Variants in MYO1B observed in about 807,000 individuals in gnomAD.
MYO1B encodes the protein myosin IB.
A neutral mutation model predicts 159.7 loss-of-function variants in MYO1B; 72 were observed. The ratio of observed to expected loss-of-function variants is 0.45; its 90% CI spans 0.37 to 0.55. The LOEUF (loss-of-function observed/expected upper bound fraction) is 0.55. Ranked by LOEUF, MYO1B falls within the 20% of genes least tolerant of loss-of-function variation. The pLI is 0.00. For missense variants in MYO1B, 1,062 were observed against 1,364.8 expected (o/e 0.78, Z 3.50); for synonymous variants, 468 against 473.8 (o/e 0.99, Z 0.16).
intron 3 of MYO1B, among the ~76,000 whole-genome samples, chr2:191,304,387 A>G (rs1392800330): frequency 7.2e-5 from 11 of 152,204 alleles, no homozygotes; most frequent in Non-Finnish European, 1.6e-4. Flanking sequence ...CCTGACCAAC[A>G]TGGAGAAACC....
intron 5 of MYO1B, among the ~76,000 whole-genome samples, chr2:191,345,961 T>C (rs1485086020): frequency 6.6e-6 from 1 of 152,204 alleles, no homozygotes; most frequent in Non-Finnish European, 1.5e-5. Flanking sequence ...TAAAAGGTGT[T>C]GAATTAGGTA....
At chr2:191,378,669 GTCT>G (rs1248111681) in intron 13 of MYO1B, among the ~76,000 whole-genome samples, 3 of 152,156 alleles carry the variant, frequency 2.0e-5, no homozygotes, top group Admixed American at 6.5e-5. Context: ...TGACATTCCT[GTCT>G]TCTTATATTG....
chr2:191,261,957 TA>T (rs921297060), intron 1 of MYO1B, among the ~76,000 whole-genome samples: 47 of 151,354 alleles, frequency 3.1e-4, no homozygotes, highest in African/African-American at 1.0e-3. Flanking sequence ...TTAACTGACT[TA>T]AAAAAAAATA....
At chr2:191,419,367 C>T (rs992664500) in intron 30 of MYO1B, among the ~76,000 whole-genome samples, 2 of 152,054 alleles carry the variant, frequency 1.3e-5, no homozygotes, top group Non-Finnish European at 2.9e-5. Context: ...TACAGCTGCC[C>T]GCCACCACGC....
At chr2:191,417,208 A>G (rs189422992) in intron 30 of MYO1B, among the ~76,000 whole-genome samples, 273 of 152,292 alleles carry the variant, frequency 1.8e-3, no homozygotes, top group African/African-American at 6.1e-3. Context: ...TCTCTTTGAT[A>G]TGTTAGGATT....
At position 191,369,518 on chromosome 2, in the gene MYO1B, T is replaced by TTTTG. The variant is rs761963315; in HGVS notation, c.1033-12_1033-9dup. ...GCATTGTGGAATTGTGGGTGTTAAG[T>TTTTG]TTTGTTTGTTTGTTTTTTAATAGGC... On this transcript the variant is annotated intron_variant, in intron 11 of 30. Coordinates refer to ENST00000392318, the MANE Select transcript of MYO1B (RefSeq NM_001130158.3). 7 of 1,569,622 alleles carry TTTTG rather than the reference T, an allele frequency of 4.5e-6. No homozygotes were observed. The African/African-American group carries it at 8.1e-5, about 18-fold the overall frequency.
intron 2 of MYO1B, among the ~76,000 whole-genome samples, chr2:191,286,348 A>G (rs1020427562): frequency 6.6e-6 from 1 of 152,106 alleles, no homozygotes; most frequent in African/African-American, 2.4e-5. Context: ...CTTTAAAAAA[A>G]AAAAAAAGAC....
chr2:191,348,848 A>G (rs1373413608), intron 6 of MYO1B, among the ~76,000 whole-genome samples: 3 of 152,186 alleles, frequency 2.0e-5, no homozygotes, highest in Non-Finnish European at 4.4e-5. Context: ...CTTTAAGGAC[A>G]TGGCTTTGGT....
intron 17 of MYO1B, among the ~76,000 whole-genome samples, chr2:191,389,857 C>T (rs1393788708): frequency 6.6e-6 from 1 of 152,174 alleles, no homozygotes; most frequent in African/African-American, 2.4e-5. Context: ...AGTGGTAAAA[C>T]ATTCCCGTCA....
Position 191,411,049 on chromosome 2 carries a change from C to G in MYO1B, c.2767-17C>G. The G allele has an allele frequency of 2.1e-6, 3 of 1,407,260 alleles. No individual in the cohort carries two copies. The highest frequency in any genetic ancestry group is 2.3e-5 in the East Asian group (1 of 43,424). 87.2% of individuals were successfully genotyped at this position (1,407,260 alleles called of 1,614,324 possible). On this transcript the variant is annotated splice_polypyrimidine_tract_variant and intron_variant, in intron 26 of 30. Transcript: ENST00000392318. ...TATATAAATGATGTTTTGTTTCTTTCTTCTCATATCTCACAGTGTAAAAAA... is the reference window on the plus strand; with the variant it reads ...TATATAAATGATGTTTTGTTTCTTTGTTCTCATATCTCACAGTGTAAAAAA...
At chr2:191,310,809 C>G (rs1689957451) in intron 3 of MYO1B, among the ~76,000 whole-genome samples, 1 of 152,096 alleles carries the variant, frequency 6.6e-6, no homozygotes. Context: ...CAGTCATGAA[C>G]TGGAAAAAAT....
intron 23 of MYO1B, 82 bp from the exon 24 acceptor site, chr2:191,402,550 T>G: frequency 2.5e-6 from 3 of 1,185,746 alleles, no homozygotes; most frequent in Non-Finnish European, 3.7e-6. Flanking sequence ...TTGGCTCTTC[T>G]GTTTGGTGGG....
In MYO1B at chr2:191,370,017, G is replaced by T. The variant is rs537890423; in HGVS notation, c.1120-210G>T. Among the ~76,000 whole-genome samples, 6 of 152,216 alleles carry T rather than the reference G, an allele frequency of 3.9e-5. No homozygotes were observed. In the South Asian group the frequency reaches 8.3e-4, roughly 21 times the overall value. ...GGTGATTTTGAAAGGCACCACTAAT[G>T]CCTTCTTTAAATATATCACCTATTA... On this transcript the variant is annotated intron_variant, in intron 12 of 30. Coordinates refer to ENST00000392318, the MANE Select transcript of MYO1B (RefSeq NM_001130158.3).
chr2:191,397,929 G>T (rs1696253153), intron 21 of MYO1B, among the ~76,000 whole-genome samples: 1 of 6,882 alleles, frequency 1.5e-4, no homozygotes, highest in South Asian at 6.8e-3. Flanking sequence ...CCCGGACAGG[G>T]CGGCTGGCCG....
chr2:191,420,960 T>C (rs961342758), intron 30 of MYO1B, among the ~76,000 whole-genome samples: 3 of 152,064 alleles, frequency 2.0e-5, no homozygotes, highest in African/African-American at 7.2e-5. Context: ...AGTGCTTACC[T>C]CCTAGGATTG....
Position 191,307,300 on chromosome 2 carries a change from G to A in MYO1B, c.251+11074G>A, listed in dbSNP as rs375083743. On this transcript the variant is annotated intron_variant, in intron 3 of 30. Transcript: ENST00000392318. Reference sequence around the variant, plus strand: ...CATGGCATTTGTAAACTGTCCTGGCGCTGCTGGTAGTGTCTTCTAGCATGC... The same window carrying A: ...CATGGCATTTGTAAACTGTCCTGGCACTGCTGGTAGTGTCTTCTAGCATGC... 1.6e-4 allele frequency among the ~76,000 whole-genome samples: 24 copies of A among 152,072 alleles called. 2 individuals are homozygous for A. The East Asian group carries it at 2.3e-3, about 15-fold the overall frequency.
intron 20 of MYO1B, among the ~76,000 whole-genome samples, chr2:191,394,994 T>A (rs1317171826): frequency 6.6e-6 from 1 of 152,228 alleles, no homozygotes; most frequent in African/African-American, 2.4e-5. Flanking sequence ...GTTAAACTCA[T>A]TATTTTCCCT....
chr2:191,263,786 G>C (rs2125698250), intron 1 of MYO1B: 1 of 152,258 alleles, frequency 6.6e-6, no homozygotes, highest in African/African-American at 2.4e-5. Flanking sequence ...TTGTCAGTAT[G>C]TCTCCTTATA....
intron 30 of MYO1B, among the ~76,000 whole-genome samples, chr2:191,419,953 C>T (rs1272171896): frequency 6.6e-6 from 1 of 152,154 alleles, no homozygotes; most frequent in Non-Finnish European, 1.5e-5. Context: ...GTAATCTTGG[C>T]ACTTTGGGAG....
Sources: allele counts gnomAD v4.1 joint callset (sites outside exome capture counted in the v4.1 genomes callset), GRCh38; gene constraint gnomAD v4.1.1; transcripts MANE v1.5; gene names NCBI Gene and HGNC (gene_info 2026-07-23, HGNC 2026-07-21).